Variants in NPHP1 observed in about 807,000 individuals in gnomAD.
The protein encoded by NPHP1 is nephrocystin 1.
NPHP1 carries 70 observed loss-of-function variants against 90.4 expected under a neutral mutation model. The observed-to-expected ratio is 0.77, with a 90% confidence interval of 0.64 to 0.95. The LOEUF (loss-of-function observed/expected upper bound fraction) is 0.95. Ranked by LOEUF, NPHP1 falls within the 40% of genes least tolerant of loss-of-function variation. The pLI, the probability that NPHP1 is intolerant of heterozygous loss-of-function variation, is 0.00. For synonymous variants in NPHP1, 256 were observed against 271.7 expected, an observed-to-expected ratio of 0.94 and a Z score of 0.57; for missense variants, 764 against 795.9, an observed-to-expected ratio of 0.96 and a Z score of 0.48.
chr2:110,172,962 C>CTTTTT (rs559012343), intron 4 of NPHP1, among the ~76,000 whole-genome samples: 3 of 136,096 alleles, frequency 2.2e-5, no homozygotes, highest in African/African-American at 2.8e-5. Context: ...TTTTCTTTTT[C>CTTTTT]TTTTTTTTTT....
chr2:110,190,109 C>T (rs1675009680), intron 2 of NPHP1, among the ~76,000 whole-genome samples: 1 of 152,194 alleles, frequency 6.6e-6, no homozygotes, highest in Non-Finnish European at 1.5e-5. Context: ...ATTTACAATC[C>T]CTTAGCTAGA....
At chr2:110,164,351 T>C (rs1195375887) in intron 8 of NPHP1, 3 of 614,534 alleles carry the variant, frequency 4.9e-6, no homozygotes, top group Admixed American at 5.8e-5. Context: ...TCTTACTTTT[T>C]ATTAAAGGCT....
rs1000624893 is a variant in NPHP1, at chr2:110,160,235, A to G, written c.975T>C (p.Arg325=). 5.0e-6 allele frequency: 8 copies of G among 1,611,404 alleles called. No homozygotes were observed. The highest frequency in any genetic ancestry group is 4.2e-6 in the Non-Finnish European group (5 of 1,177,606). Residue 325 remains arginine, a synonymous_variant, in exon 11 of 20, where the codon CGT becomes CGC. Coordinates refer to ENST00000445609, the MANE Select transcript of NPHP1 (RefSeq NM_001128178.3). ...TCCATAATGTCAGAATCAATGAAATACGACTTGGTCTCGACCTAATCTGAA... is the reference window on the plus strand; with the variant it reads ...TCCATAATGTCAGAATCAATGAAATGCGACTTGGTCTCGACCTAATCTGAA... The part of the protein sequence containing the change: ...TEGTIRSRPS[R]ISLILTLWSC...
intron 16 of NPHP1, among the ~76,000 whole-genome samples, chr2:110,134,036 A>C (rs1258458984): frequency 6.6e-6 from 1 of 152,050 alleles, no homozygotes; most frequent in Non-Finnish European, 1.5e-5. Context: ...CAAAATAAAG[A>C]ATAGAAAAAC....
At chr2:110,132,024 T>C (rs1445466492) in intron 16 of NPHP1, among the ~76,000 whole-genome samples, 2 of 152,196 alleles carry the variant, frequency 1.3e-5, no homozygotes, top group African/African-American at 2.4e-5. Context: ...TTTTTGTGCT[T>C]CCATGTTAGC....
chr2:110,146,708 T>G (rs770771907), intron 14 of NPHP1, 45 bp downstream of exon 14: 1 of 1,412,580 alleles, frequency 7.1e-7, no homozygotes, highest in Non-Finnish European at 1.0e-6. Context: ...AAAAAATGAA[T>G]TTTTACAGAA....
At chr2:110,172,387 T>C (rs6747701) in intron 4 of NPHP1, among the ~76,000 whole-genome samples, 68,592 of 151,890 alleles carry the variant, frequency 0.45, 16,644 homozygotes, top group African/African-American at 0.62. Context: ...TTATTATTTC[T>C]TTCCTGCTCT....
intron 14 of NPHP1, among the ~76,000 whole-genome samples, chr2:110,146,002 T>C (rs1181141080): frequency 6.6e-6 from 1 of 152,088 alleles, no homozygotes; most frequent in Non-Finnish European, 1.5e-5. Context: ...ATTACAATCT[T>C]CCAGATTAAA....
At chr2:110,149,104 G>A (rs1316269003) in intron 12 of NPHP1, among the ~76,000 whole-genome samples, 1 of 152,166 alleles carries the variant, frequency 6.6e-6, no homozygotes, top group Non-Finnish European at 1.5e-5. Flanking sequence ...TAAGAGCCTG[G>A]CACAGGGCCT....
At chr2:110,200,059 T>C (rs1574213725) in intron 2 of NPHP1, among the ~76,000 whole-genome samples, 1 of 147,872 alleles carries the variant, frequency 6.8e-6, no homozygotes, top group African/African-American at 2.5e-5. Context: ...ATTGAGACCA[T>C]CCTGGCTAGC....
chr2:110,190,922 G>A (rs1446788554), intron 2 of NPHP1, among the ~76,000 whole-genome samples: 3 of 152,070 alleles, frequency 2.0e-5, no homozygotes, highest in Non-Finnish European at 2.9e-5. Context: ...CTTCTCAAAA[G>A]ACACACATTC....
rs1336978749 is a variant in NPHP1, at chr2:110,204,899, C to A, written c.69+1G>T. ...GGGCCCTCTGCACAGCCTGACCATA[C>A]CTGTTGCTTCAGCTCCTGATTGCGG... On this transcript the variant is annotated splice_donor_variant, in intron 1 of 19. Coordinates refer to ENST00000445609, the MANE Select transcript of NPHP1 (RefSeq NM_001128178.3). LOFTEE classifies it high-confidence loss of function. 1.9e-6 allele frequency: 3 copies of A among 1,613,792 alleles called. No homozygotes were observed. Among genetic ancestry groups the A allele is most frequent in the Middle Eastern group, 1.7e-4 (1 of 6,020 alleles).
At chr2:110,193,493 C>T (rs1014348850) in intron 2 of NPHP1, among the ~76,000 whole-genome samples, 13 of 151,940 alleles carry the variant, frequency 8.6e-5, no homozygotes, top group African/African-American at 3.1e-4. Flanking sequence ...ACAGGAGCAC[C>T]CAGATTCATA....
intron 11 of NPHP1, among the ~76,000 whole-genome samples, chr2:110,156,283 T>C (rs551216924): frequency 6.6e-6 from 1 of 152,104 alleles, no homozygotes; most frequent in Admixed American, 6.5e-5. Context: ...ATGATTCTCA[T>C]GAGATCTGAT....
chr2:110,164,808 T>G (rs1682602357), intron 7 of NPHP1, 78 bp from the exon 8 acceptor site: 2 of 1,228,828 alleles, frequency 1.6e-6, no homozygotes, highest in African/African-American at 1.5e-5. Flanking sequence ...TTAATCACAG[T>G]TGATAATCAT....
intron 9 of NPHP1, among the ~76,000 whole-genome samples, chr2:110,162,080 C>G (rs1574122360): frequency 6.6e-6 from 1 of 152,216 alleles, no homozygotes; most frequent in Non-Finnish European, 1.5e-5. Flanking sequence ...TGCTCTTCCT[C>G]CATGCTTTAG....
intron 18 of NPHP1, 124 bp downstream of exon 18, chr2:110,129,062 T>C: frequency 1.4e-6 from 1 of 717,674 alleles, no homozygotes; most frequent in Non-Finnish European, 2.5e-6. Context: ...ACCTAGACAA[T>C]GGATAGGGAT....
chr2:110,180,041 T>G (rs1189677064), intron 2 of NPHP1, among the ~76,000 whole-genome samples: 1 of 152,178 alleles, frequency 6.6e-6, no homozygotes, highest in Non-Finnish European at 1.5e-5. Flanking sequence ...ACCTAAAGTT[T>G]ACTGTGTGCC....
chr2:110,165,112 C>A lies in NPHP1; in HGVS notation c.668G>T (p.Gly223Val), dbSNP rs1682628744. The change falls in exon 7 of 20, where the codon GGC (glycine) becomes GTC (valine). Residue 223 changes from glycine (G) to valine (V), a missense_variant. Gly to Val is a moderately radical substitution (Grantham distance 109). Coordinates refer to ENST00000445609, the MANE Select transcript of NPHP1 (RefSeq NM_001128178.3). ...CACCGCCTCTACATCTTCTTCACTG[C>A]CCTCTTCACTTGACTCTTGGCCTTC... ...EEEGQESSEE[G>V]SEEDVEAVDE... The A allele has an allele frequency of 6.2e-7, 1 of 1,613,672 alleles. No homozygotes were observed. The highest frequency in any genetic ancestry group is 1.3e-5 in the African/African-American group (1 of 74,904).
Sources: allele counts gnomAD v4.1 joint callset (sites outside exome capture counted in the v4.1 genomes callset), GRCh38; gene constraint gnomAD v4.1.1; transcripts MANE v1.5; gene names NCBI Gene and HGNC (gene_info 2026-07-23, HGNC 2026-07-21).